The following VPS39 variants were observed in gnomAD, a reference collection of about 807,000 sequenced individuals.
VPS39 encodes the protein vam6/Vps39-like protein.
VPS39 carries 70 observed loss-of-function variants against 121.0 expected under a neutral mutation model. That is an observed-to-expected ratio of 0.58 (90% CI 0.48 to 0.71). VPS39 has a LOEUF of 0.71. VPS39 is among the 30% of genes least tolerant of loss of function. VPS39 has a pLI of 0.00. For missense variants in VPS39, 818 were observed against 1,051.5 expected (o/e 0.78, Z 3.07); for synonymous variants, 378 against 398.1 (o/e 0.95, Z 0.60).
rs1234201827 is a variant in VPS39, at chr15:42,163,354, T to C, written c.2171A>G (p.Lys724Arg). The C allele has an allele frequency of 1.2e-6, 2 of 1,614,160 alleles. No individual in the cohort carries two copies. The highest frequency in any genetic ancestry group is 1.7e-5 in the Admixed American group (1 of 60,020). The change falls in exon 21 of 25, where the codon AAA (lysine) becomes AGA (arginine). Residue 724 changes from lysine to arginine, a missense_variant. By Grantham distance (26) the Lys-to-Arg change is conservative. Coordinates refer to ENST00000318006, the MANE Select transcript of VPS39 (RefSeq NM_015289.5). ...TGGGTCAGGGTCACTACTCACATCT[T>C]TGTTGCCATCTTTGTTTCGGTCATA... is the stretch of plus-strand genomic sequence containing the variant. ...KHYDRNKDGN[K>R]DVYLSLLRMY...
At chr15:42,204,683 A>AAAATT (rs1266976063) in intron 1 of VPS39, among the ~76,000 whole-genome samples, 2 of 151,764 alleles carry the variant, frequency 1.3e-5, no homozygotes, top group South Asian at 2.1e-4. Context: ...AAAATAAAAT[A>AAAATT]AAATTAAATT....
rs35451716 is a variant in VPS39 at position 42,193,851 on chromosome 15, TAAAAA to T, written c.140-2296_140-2292del. ...TAAAGTAACAGATTCCCTTTGTTCA[TAAAAA>T]AAAAAAAAAAAATGCCAAATATCTA... On this transcript the variant is annotated intron_variant, in intron 2 of 24. Coordinates refer to ENST00000318006, the MANE Select transcript of VPS39 (RefSeq NM_015289.5). Among the ~76,000 whole-genome samples, 982 of 120,864 alleles carry T rather than the reference TAAAAA, an allele frequency of 8.1e-3. 15 individuals carry two copies. The highest frequency in any genetic ancestry group is 0.025 in the African/African-American group (935 of 37,098). The allele number at this position is 120,864 out of a possible 152,430, so 79.3% of individuals were successfully genotyped here. A position where few individuals can be genotyped will look rare whatever the true frequency, so the allele number is the denominator to read the frequency against.
At chr15:42,201,186 A>C (rs536052936) in intron 1 of VPS39, among the ~76,000 whole-genome samples, 1 of 151,854 alleles carries the variant, frequency 6.6e-6, no homozygotes, top group Non-Finnish European at 1.5e-5. Flanking sequence ...TTTAACTTTT[A>C]TTTTTTTAAG....
chr15:42,167,274 C>T (rs2049262179), intron 13 of VPS39, 120 bp downstream of exon 13: 3 of 1,328,684 alleles, frequency 2.3e-6, no homozygotes, highest in Middle Eastern at 5.4e-4. Context: ...ATATGGTTTC[C>T]AGAATCAAAG....
At position 42,183,280 on chromosome 15, in the gene VPS39, G is replaced by A. The variant is rs867561796; in HGVS notation, c.718+1237C>T. 2.7e-4 allele frequency among the ~76,000 whole-genome samples: 39 copies of A among 145,156 alleles called. No individual in the cohort carries two copies. In the South Asian group the frequency reaches 7.5e-3, roughly 28 times the overall value. ...ACTCAGCTAGTTTTTTTTTTTTTTCGTGTTTGAGACGGGGTTTCACCATGT... is the reference window on the plus strand; with the variant it reads ...ACTCAGCTAGTTTTTTTTTTTTTTCATGTTTGAGACGGGGTTTCACCATGT... On this transcript the variant is annotated intron_variant, in intron 8 of 24. Coordinates refer to ENST00000318006, the MANE Select transcript of VPS39 (RefSeq NM_015289.5).
rs145739938 is a variant in VPS39, at chr15:42,178,486, A to G, written c.803T>C (p.Ile268Thr). Reference sequence around the variant, plus strand: ...AATGAAACGGGGCCTTTGCAATTCAATGCTTTGGACCAGAAGCCTCGGTTC... The same window carrying G: ...AATGAAACGGGGCCTTTGCAATTCAGTGCTTTGGACCAGAAGCCTCGGTTC... ...TFEPRLLVQS[I>T]ELQRPRFITS... The change falls in exon 9 of 25, where the codon ATT (isoleucine) becomes ACT (threonine). Residue 268 changes from isoleucine (I) to threonine (T), a missense_variant. Ile to Thr is a moderately conservative substitution (Grantham distance 89, BLOSUM62 -1). Coordinates refer to ENST00000318006, the MANE Select transcript of VPS39 (RefSeq NM_015289.5). 4.7e-5 allele frequency: 76 copies of G among 1,614,090 alleles called. No homozygotes were observed. Among genetic ancestry groups the G allele is most frequent in the Non-Finnish European group, 6.0e-5 (71 of 1,180,048 alleles).
intron 6 of VPS39, 119 bp downstream of exon 6, chr15:42,187,639 C>A: frequency 1.1e-6 from 1 of 889,092 alleles, no homozygotes; most frequent in Non-Finnish European, 1.8e-6. Flanking sequence ...AGCTCTCATG[C>A]ACTTCATACC....
At chr15:42,177,175 A>C (rs905875036) in intron 10 of VPS39, among the ~76,000 whole-genome samples, 3 of 151,212 alleles carry the variant, frequency 2.0e-5, no homozygotes, top group Non-Finnish European at 2.9e-5. Flanking sequence ...AAAAAAAAAA[A>C]AAAAAAAAAA....
At chr15:42,174,805 C>T (rs550209159) in intron 10 of VPS39, among the ~76,000 whole-genome samples, 1 of 152,040 alleles carries the variant, frequency 6.6e-6, no homozygotes, top group Non-Finnish European at 1.5e-5. Context: ...TGAAACCCGT[C>T]TCTACTAAAA....
intron 11 of VPS39, 154 bp downstream of exon 11, chr15:42,173,569 T>G (rs752029823): frequency 1.0e-4 from 97 of 940,734 alleles, no homozygotes; most frequent in Non-Finnish European, 1.5e-4. Flanking sequence ...ATGTAACCAC[T>G]GTGGTCACCC....
chr15:42,165,841 G>A, intron 16 of VPS39, 25 bp from the exon 17 acceptor site: 1 of 1,602,522 alleles, frequency 6.2e-7, no homozygotes, highest in African/African-American at 1.3e-5. Context: ...CCGAGTTCCA[G>A]CAGCAGAACC....
chr15:42,160,628 G>GATAGCC lies in VPS39; in HGVS notation c.*120_*125dup. 1 of 826,792 alleles carries GATAGCC rather than the reference G, an allele frequency of 1.2e-6. No homozygotes were observed. Among genetic ancestry groups the GATAGCC allele is most frequent in the South Asian group, 1.4e-5 (1 of 69,342 alleles). The allele number at this position is 826,792 out of a possible 1,614,324, so 51.2% of individuals were successfully genotyped here. ...AATTCAGAGTTGTTCCAGGGCACAA[G>GATAGCC]ATAGCCAGTAATGTCCAAATGGGGA... On this transcript the variant is annotated 3_prime_UTR_variant, in exon 25 of 25. Coordinates refer to ENST00000318006, the MANE Select transcript of VPS39 (RefSeq NM_015289.5).
At chr15:42,181,315 C>T (rs913906560) in intron 8 of VPS39, among the ~76,000 whole-genome samples, 1 of 152,232 alleles carries the variant, frequency 6.6e-6, no homozygotes, top group Admixed American at 6.5e-5. Context: ...AAGACAAATA[C>T]TGTATGATTT....
In VPS39 at chr15:42,159,556, C is replaced by G. The variant is rs1474610098; in HGVS notation, c.*1198G>C. Reference sequence around the variant, plus strand: ...CGGTGAGTTATTTTTAAACCAGCGTCCTGCTGTTCTTGCCCCCCGCGTCCC... The same window carrying G: ...CGGTGAGTTATTTTTAAACCAGCGTGCTGCTGTTCTTGCCCCCCGCGTCCC... On this transcript the variant is annotated 3_prime_UTR_variant, in exon 25 of 25. Transcript: ENST00000318006. 1 of 152,412 alleles carries G rather than the reference C, an allele frequency of 6.6e-6. No individual in the cohort carries two copies. Among genetic ancestry groups the G allele is most frequent in the East Asian group, 1.9e-4 (1 of 5,202 alleles). The allele number at this position is 152,412 out of a possible 1,614,324, so 9.4% of individuals were successfully genotyped here.
rs753297768 is a variant in VPS39, at chr15:42,178,326, G to C, written c.852C>G (p.Ile284Met). 6.2e-7 allele frequency: 1 copy of C among 1,614,188 alleles called. No individual in the cohort carries two copies. The highest frequency in any genetic ancestry group is 1.1e-5 in the South Asian group (1 of 91,084). ...RFITSGGSNI[I>M]YVASNHFVWR... ...AAACAAAATGATTGCTGGCCACATA[G>C]ATAATGTTTGATCTGGAAGCAAGAG... Residue 284 changes from isoleucine (I) to methionine (M), a missense_variant, in exon 10 of 25, where the codon ATC (isoleucine) becomes ATG (methionine). By Grantham distance (10) the Ile-to-Met change is conservative (BLOSUM62 1). Transcript: ENST00000318006.
rs149930203 is a variant in VPS39, at chr15:42,169,222, C to T, written c.1233+502G>A. Among the ~76,000 whole-genome samples the T allele has an allele frequency of 3.3e-3, 500 of 152,028 alleles. 2 individuals carry two copies. Among genetic ancestry groups the T allele is most frequent in the African/African-American group, 0.011 (474 of 41,466 alleles). The stretch of plus-strand genomic sequence containing the variant: ...TGATATCCATTTGCAATAAATAAAC[C>T]AAGAAGTAAATAAACAAAAGCTAAT... On this transcript the variant is annotated intron_variant, in intron 12 of 24. Transcript: ENST00000318006.
At chr15:42,183,555 C>A (rs627478) in intron 8 of VPS39, among the ~76,000 whole-genome samples, 5,047 of 152,230 alleles carry the variant, frequency 0.033, 209 homozygotes, top group Admixed American at 0.097. Context: ...TCTCCCAAAT[C>A]GGCATGTCTT....
intron 1 of VPS39, among the ~76,000 whole-genome samples, chr15:42,204,424 C>T (rs1429478535): frequency 3.9e-5 from 6 of 152,258 alleles, no homozygotes; most frequent in South Asian, 4.1e-4. Flanking sequence ...CCGAGGTGGG[C>T]GGATCACCTC....
At chr15:42,195,649 C>A (rs574252858) in intron 2 of VPS39, among the ~76,000 whole-genome samples, 216 of 152,238 alleles carry the variant, frequency 1.4e-3, no homozygotes, top group Middle Eastern at 6.8e-3. Context: ...GAACTACAAA[C>A]CACTGCTCAA....
Sources: gnomAD v4.1 joint callset for allele counts (sites outside exome capture counted in the v4.1 genomes callset) on GRCh38, gnomAD v4.1.1 for gene constraint, MANE v1.5 for transcripts, NCBI Gene and HGNC (gene_info 2026-07-23, HGNC 2026-07-21) for gene names.